Variants in RBFOX1 observed in about 807,000 individuals in gnomAD.
RBFOX1 encodes RNA binding fox-1 homolog 1.
In RBFOX1, 8 loss-of-function variants were observed where a neutral mutation model predicts 57.7. That is an observed-to-expected ratio of 0.14 (90% confidence interval 0.08 to 0.25). The LOEUF is 0.25. Ranked by LOEUF, RBFOX1 falls within the 10% of genes least tolerant of loss-of-function variation. The pLI, the probability that RBFOX1 is intolerant of heterozygous loss-of-function variation, is 1.00. For missense variants in RBFOX1, 611 were observed against 548.5 expected (o/e 1.11, Z -1.14); for synonymous variants, 326 against 222.4 (o/e 1.47, Z -4.15).
At chr16:6,895,197 A>C (rs1031510200) in intron 3 of RBFOX1, among the ~76,000 whole-genome samples, 35 of 152,034 alleles carry the variant, frequency 2.3e-4, no homozygotes, top group Admixed American at 1.1e-3. Context: ...GTGATGTTCT[A>C]GGAATTAAAG....
At chr16:6,939,575 G>A (rs935249589) in intron 3 of RBFOX1, among the ~76,000 whole-genome samples, 5 of 150,508 alleles carry the variant, frequency 3.3e-5, no homozygotes, top group South Asian at 2.1e-4. Flanking sequence ...CAGTGGGAGT[G>A]ATTTCAGCTC....
chr16:7,672,677 AGGCCT>A (rs898554466), intron 13 of RBFOX1, among the ~76,000 whole-genome samples: 1 of 151,818 alleles, frequency 6.6e-6, no homozygotes, highest in Non-Finnish European at 1.5e-5. Context: ...GGGGCCAGCC[AGGCCT>A]ATGTATCAAA....
intron 3 of RBFOX1, among the ~76,000 whole-genome samples, chr16:6,696,101 A>C (rs1023965400): frequency 2.6e-5 from 4 of 152,236 alleles, no homozygotes; most frequent in African/African-American, 7.2e-5. Flanking sequence ...TTACAGGTAG[A>C]ATACACTGGG....
rs71145217 is a variant in RBFOX1, at chr16:6,360,948, T to TTTTTATTTTATTTTA, written c.-64+43905_-64+43919dup. The stretch of plus-strand genomic sequence containing the variant: ...CTTCAGGGGTGGTCCTTTCACATCT[T>TTTTTATTTTATTTTA]TTTTATTTTATTTTATTTTATTTTA... On this transcript the variant is annotated intron_variant, in intron 2 of 15. Transcript: ENST00000550418. Among the ~76,000 whole-genome samples the TTTTTATTTTATTTTA allele has an allele frequency of 3.6e-3, 543 of 150,392 alleles. 3 individuals are homozygous for TTTTTATTTTATTTTA. The highest frequency in any genetic ancestry group is 0.022 in the East Asian group (110 of 5,108).
chr16:7,351,945 A>G (rs2097137308), intron 4 of RBFOX1, among the ~76,000 whole-genome samples: 1 of 152,186 alleles, frequency 6.6e-6, no homozygotes, highest in Admixed American at 6.5e-5. Flanking sequence ...GACCCTCACC[A>G]GGGACTTTGA....
At chr16:7,524,790 A>G (rs941799598) in intron 5 of RBFOX1, among the ~76,000 whole-genome samples, 3 of 152,206 alleles carry the variant, frequency 2.0e-5, no homozygotes, top group African/African-American at 7.2e-5. Context: ...AAGATAAGGT[A>G]TTGGTTGGTG....
At chr16:6,296,273 C>T (rs1345713119) in intron 1 of RBFOX1, among the ~76,000 whole-genome samples, 2 of 152,176 alleles carry the variant, frequency 1.3e-5, no homozygotes, top group Non-Finnish European at 2.9e-5. Flanking sequence ...AGGGGATAAA[C>T]ATTTGGCTCC....
At chr16:7,593,730 G>T (rs1204221123) in intron 7 of RBFOX1, among the ~76,000 whole-genome samples, 1 of 151,950 alleles carries the variant, frequency 6.6e-6, no homozygotes, top group African/African-American at 2.4e-5. Context: ...ATAGAGGGCT[G>T]ATTTTCTTCT....
At chr16:7,690,072 G>C (rs560149252) in intron 14 of RBFOX1, among the ~76,000 whole-genome samples, 4 of 152,144 alleles carry the variant, frequency 2.6e-5, no homozygotes, top group East Asian at 2.0e-4. Flanking sequence ...CCACTTCCTT[G>C]AATCTCTTGA....
intron 4 of RBFOX1, among the ~76,000 whole-genome samples, chr16:7,144,050 G>T (rs552086223): frequency 6.6e-6 from 1 of 152,232 alleles, no homozygotes; most frequent in South Asian, 2.1e-4. Flanking sequence ...TAAAGGCTGA[G>T]TTTCGGGTTG....
chr16:6,547,798 A>G (rs747463634), intron 2 of RBFOX1, among the ~76,000 whole-genome samples: 19 of 151,378 alleles, frequency 1.3e-4, no homozygotes, highest in Non-Finnish European at 2.5e-4. Context: ...TCAAAATGTC[A>G]TCTTTCCTAT....
chr16:7,609,795 T>C (rs1455035775), intron 10 of RBFOX1, among the ~76,000 whole-genome samples: 2 of 146,242 alleles, frequency 1.4e-5, no homozygotes, highest in Non-Finnish European at 3.0e-5. Flanking sequence ...CAGTTGATAC[T>C]GGTGGGGTTT....
chr16:7,150,617 A>G (rs1196290294), intron 4 of RBFOX1, among the ~76,000 whole-genome samples: 1 of 152,192 alleles, frequency 6.6e-6, no homozygotes, highest in Non-Finnish European at 1.5e-5. Flanking sequence ...TTCTCTATTG[A>G]CAACTTAATT....
intron 1 of RBFOX1, among the ~76,000 whole-genome samples, chr16:5,318,378 C>G (rs1423643423): frequency 6.6e-6 from 1 of 152,162 alleles, no homozygotes; most frequent in Non-Finnish European, 1.5e-5. Context: ...ATGCACCCAC[C>G]TTGGCCTCCC....
chr16:6,388,954 T>C (rs569973057), intron 2 of RBFOX1, among the ~76,000 whole-genome samples: 98 of 152,284 alleles, frequency 6.4e-4, no homozygotes, highest in Middle Eastern at 3.4e-3. Flanking sequence ...TCAGGAGATG[T>C]TGGACAATGA....
chr16:6,480,959 A>G (rs1006911205), intron 2 of RBFOX1, among the ~76,000 whole-genome samples: 4 of 152,126 alleles, frequency 2.6e-5, no homozygotes, highest in Non-Finnish European at 5.9e-5. Flanking sequence ...GCCTCCCCCC[A>G]CAACCCCATC....
chr16:7,401,945 G>C (rs1190220402), intron 4 of RBFOX1, among the ~76,000 whole-genome samples: 1 of 152,124 alleles, frequency 6.6e-6, no homozygotes, highest in Admixed American at 6.5e-5. Flanking sequence ...TCCAAAAGAG[G>C]AATGTCATCT....
chr16:5,591,629 T>C (rs996123242), intron 2 of RBFOX1, among the ~76,000 whole-genome samples: 1 of 152,202 alleles, frequency 6.6e-6, no homozygotes, highest in Non-Finnish European at 1.5e-5. Context: ...AATGCCTATA[T>C]TCTTAAAACA....
chr16:5,709,536 T>G (rs958396991), intron 3 of RBFOX1, among the ~76,000 whole-genome samples: 165 of 151,902 alleles, frequency 1.1e-3, no homozygotes, highest in Non-Finnish European at 2.9e-4. Flanking sequence ...GGCCTGTATG[T>G]GTCGATTATG....
Sources: gnomAD v4.1 joint callset for allele counts (sites outside exome capture counted in the v4.1 genomes callset) on GRCh38, gnomAD v4.1.1 for gene constraint, MANE v1.5 for transcripts, NCBI Gene and HGNC (gene_info 2026-07-23, HGNC 2026-07-21) for gene names.